INPP4B: variants seen among roughly 807,000 people sequenced by gnomAD.
INPP4B encodes inositol polyphosphate 4-phosphatase type II.
INPP4B carries 55 observed loss-of-function variants against 122.5 expected under a neutral mutation model. The ratio of observed to expected loss-of-function variants is 0.45; its 90% CI spans 0.36 to 0.56. The LOEUF (loss-of-function observed/expected upper bound fraction) is 0.56. Ranked by LOEUF, INPP4B falls within the 20% of genes least tolerant of loss-of-function variation. The probability of loss-of-function intolerance (pLI) is 0.00; values close to 1 mark genes in which losing one functional copy is unlikely to be tolerated. For missense variants in INPP4B, 1,000 were observed against 1,097.7 expected (o/e 0.91, Z 1.26); for synonymous variants, 403 against 388.7 (o/e 1.04, Z -0.43).
intron 1 of INPP4B, among the ~76,000 whole-genome samples, chr4:142,776,961 T>C (rs1009913149): frequency 2.6e-5 from 4 of 152,152 alleles, no homozygotes; most frequent in Non-Finnish European, 5.9e-5. Flanking sequence ...ATCTGATTTA[T>C]TCCTGAAGCA....
intron 11 of INPP4B, among the ~76,000 whole-genome samples, chr4:142,240,285 G>A (rs75410530): frequency 0.034 from 5,219 of 151,450 alleles, 289 homozygotes; most frequent in African/African-American, 0.12. Flanking sequence ...CAAGCTATCC[G>A]CCCATTTCTG....
chr4:142,188,486 C>CAAAAAAAAAAAAAAAAAAAAAAAAAAAAA (rs869298815), intron 15 of INPP4B, among the ~76,000 whole-genome samples: 1 of 9,490 alleles, frequency 1.1e-4, no homozygotes, highest in Non-Finnish European at 2.0e-4. Flanking sequence ...GACTCCATCT[C>CAAAAAAAAAAAAAAAAAAAAAAAAAAAAA]AAAAAAAAAA....
At chr4:142,570,870 T>A (rs1478574975) in intron 2 of INPP4B, among the ~76,000 whole-genome samples, 3 of 151,830 alleles carry the variant, frequency 2.0e-5, no homozygotes, top group African/African-American at 7.3e-5. Flanking sequence ...CTTTCACCCC[T>A]AAGACATATT....
chr4:142,497,931 T>C (rs1056808535), intron 2 of INPP4B, among the ~76,000 whole-genome samples: 1 of 152,090 alleles, frequency 6.6e-6, no homozygotes, highest in East Asian at 1.9e-4. Context: ...TGGAATTGTG[T>C]GGTCTGTGCC....
At chr4:142,727,038 C>T (rs1056358864) in intron 1 of INPP4B, among the ~76,000 whole-genome samples, 9 of 152,068 alleles carry the variant, frequency 5.9e-5, no homozygotes, top group Non-Finnish European at 1.0e-4. Context: ...AATCACTGCC[C>T]TAGTGAGCCA....
chr4:142,299,168 T>G (rs1369829873), intron 9 of INPP4B, among the ~76,000 whole-genome samples: 1 of 137,870 alleles, frequency 7.3e-6, no homozygotes, highest in African/African-American at 2.8e-5. Context: ...TTTTTTTTTT[T>G]TGGGGGGGAG....
At chr4:142,525,301 T>C (rs1826747615) in intron 2 of INPP4B, among the ~76,000 whole-genome samples, 1 of 149,834 alleles carries the variant, frequency 6.7e-6, no homozygotes, top group Non-Finnish European at 1.5e-5. Context: ...ATCGTGAAAA[T>C]GGCCATACTG....
chr4:142,295,844 C>T (rs2151035775), intron 9 of INPP4B, among the ~76,000 whole-genome samples: 1 of 151,084 alleles, frequency 6.6e-6, no homozygotes, highest in Middle Eastern at 3.4e-3. Context: ...ACCGGTTTTA[C>T]AAAACAACAC....
At chr4:142,761,545 A>T (rs1177955446) in intron 1 of INPP4B, among the ~76,000 whole-genome samples, 1 of 152,190 alleles carries the variant, frequency 6.6e-6, no homozygotes, top group East Asian at 1.9e-4. Flanking sequence ...TGAATTTTAT[A>T]AAAAGAGTGT....
chr4:142,042,034 T>C (rs1747946294), intron 25 of INPP4B, among the ~76,000 whole-genome samples: 2 of 152,184 alleles, frequency 1.3e-5, no homozygotes, highest in African/African-American at 4.8e-5. Context: ...CTTGATGCTT[T>C]TGTATTCTCT....
rs115927632 is a variant in INPP4B, at chr4:142,475,001, C to T, written c.-190-12275G>A. 4.6e-3 allele frequency among the ~76,000 whole-genome samples: 708 copies of T among 152,268 alleles called. 8 individuals carry two copies. The highest frequency in any genetic ancestry group is 0.016 in the African/African-American group (656 of 41,542). ...GTTTCTAGACCAGCAGTTTTGCTTC[C>T]GTCTGCACTCTGTGGGCAGGTGCAA... On this transcript the variant is annotated intron_variant, in intron 2 of 25. Transcript: ENST00000262992.
chr4:142,645,064 A>G (rs1354055443), intron 2 of INPP4B, among the ~76,000 whole-genome samples: 1 of 152,192 alleles, frequency 6.6e-6, no homozygotes, highest in Non-Finnish European at 1.5e-5. Flanking sequence ...AGTGTATGCT[A>G]CTAGTCATCA....
At chr4:142,716,146 A>G (rs1000074102) in intron 2 of INPP4B, among the ~76,000 whole-genome samples, 2 of 152,178 alleles carry the variant, frequency 1.3e-5, no homozygotes, top group Non-Finnish European at 2.9e-5. Flanking sequence ...AAGGGAGGGG[A>G]AAATAGTCCT....
chr4:142,809,949 C>T (rs1235840374), intron 1 of INPP4B, among the ~76,000 whole-genome samples: 1 of 152,030 alleles, frequency 6.6e-6, no homozygotes, highest in Non-Finnish European at 1.5e-5. Flanking sequence ...GTGGGCAGAT[C>T]ACCTGAGGTC....
intron 9 of INPP4B, among the ~76,000 whole-genome samples, chr4:142,302,774 A>G (rs1761958413): frequency 6.6e-6 from 1 of 152,150 alleles, no homozygotes; most frequent in Non-Finnish European, 1.5e-5. Flanking sequence ...GAATTAGAAA[A>G]CAAAAACAGA....
At position 142,028,328 on chromosome 4, in the gene INPP4B, G is replaced by T. The variant is rs1429098854; in HGVS notation, c.*454C>A. The T allele has an allele frequency of 5.7e-5, 13 of 227,866 alleles. No homozygotes were observed. The highest frequency in any genetic ancestry group is 8.7e-5 in the Non-Finnish European group (10 of 114,898). 14.1% of individuals were successfully genotyped at this position (227,866 alleles called of 1,614,324 possible). Reference sequence around the variant, plus strand: ...ACATTTTTTTTAAATCCCTTACATTGATTCTCAGGTTGACTGTGTTCTCAT... The same window carrying T: ...ACATTTTTTTTAAATCCCTTACATTTATTCTCAGGTTGACTGTGTTCTCAT... On this transcript the variant is annotated 3_prime_UTR_variant, in exon 26 of 26. Transcript: ENST00000262992.
intron 14 of INPP4B, among the ~76,000 whole-genome samples, chr4:142,204,275 G>C (rs540711430): frequency 6.6e-6 from 1 of 152,076 alleles, no homozygotes; most frequent in African/African-American, 2.4e-5. Flanking sequence ...TAAAACATAA[G>C]CTTGATAATT....
intron 7 of INPP4B, among the ~76,000 whole-genome samples, chr4:142,325,397 G>A (rs570812482): frequency 9.9e-5 from 15 of 152,146 alleles, no homozygotes; most frequent in Non-Finnish European, 1.8e-4. Flanking sequence ...CATAATGACA[G>A]GTGGTTCCTT....
At chr4:142,439,938 C>G (rs758369025) in intron 3 of INPP4B, among the ~76,000 whole-genome samples, 4 of 152,208 alleles carry the variant, frequency 2.6e-5, no homozygotes, top group Non-Finnish European at 5.9e-5. Context: ...ATACCATGCT[C>G]TCCTAAGTTC....
Sources: allele counts gnomAD v4.1 joint callset (sites outside exome capture counted in the v4.1 genomes callset), GRCh38; gene constraint gnomAD v4.1.1; transcripts MANE v1.5; gene names NCBI Gene and HGNC (gene_info 2026-07-23, HGNC 2026-07-21).